Variants in PEBP4 observed in about 807,000 individuals in gnomAD.
The protein encoded by PEBP4 is phosphatidylethanolamine-binding protein 4.
Under a neutral mutation model 23.9 loss-of-function variants are expected in PEBP4, and 22 were observed. That is an observed-to-expected ratio of 0.92 (90% CI 0.66 to 1.31). PEBP4 has a LOEUF of 1.31. Ranked by LOEUF, PEBP4 falls within the 40% of genes most tolerant of loss-of-function variation. The pLI, the probability that PEBP4 is intolerant of heterozygous loss-of-function variation, is 0.00. For missense variants in PEBP4, 324 were observed against 281.7 expected, an observed-to-expected ratio of 1.15 and a Z score of -1.07; for synonymous variants, 112 against 99.3, an observed-to-expected ratio of 1.13 and a Z score of -0.76.
chr8:22,850,792 A>T (rs1188411703), intron 3 of PEBP4, among the ~76,000 whole-genome samples: 1 of 152,216 alleles, frequency 6.6e-6, no homozygotes, highest in Non-Finnish European at 1.5e-5. Context: ...CAGTGTTACT[A>T]ACAGCCACAG....
intron 4 of PEBP4, among the ~76,000 whole-genome samples, chr8:22,740,575 G>A (rs1397559784): frequency 6.6e-6 from 1 of 152,170 alleles, no homozygotes; most frequent in Non-Finnish European, 1.5e-5. Context: ...TTCCCCTGGG[G>A]TCTCTGGGCC....
chr8:22,862,494 C>A (rs887126467), intron 3 of PEBP4, among the ~76,000 whole-genome samples: 1 of 152,116 alleles, frequency 6.6e-6, no homozygotes, highest in African/African-American at 2.4e-5. Flanking sequence ...AAAACAGCAA[C>A]TTGTGTAGAT....
chr8:22,898,247 C>T (rs900801875), intron 3 of PEBP4, among the ~76,000 whole-genome samples: 3 of 151,610 alleles, frequency 2.0e-5, no homozygotes, highest in African/African-American at 7.3e-5. Flanking sequence ...CAAAAATTAG[C>T]CAGGTGTGGT....
At chr8:22,840,644 G>A (rs1306111438) in intron 3 of PEBP4, among the ~76,000 whole-genome samples, 2 of 152,102 alleles carry the variant, frequency 1.3e-5, no homozygotes, top group African/African-American at 4.8e-5. Context: ...TGTTCCTCTT[G>A]GGTCAAAGAC....
At chr8:22,731,910 C>T (rs550478188) in intron 4 of PEBP4, among the ~76,000 whole-genome samples, 2 of 151,616 alleles carry the variant, frequency 1.3e-5, no homozygotes, top group Non-Finnish European at 2.9e-5. Context: ...CTCCTGATCT[C>T]GTGATCCGCC....
intron 1 of PEBP4, among the ~76,000 whole-genome samples, chr8:22,937,437 GAA>G (rs1287343400): frequency 6.6e-6 from 1 of 152,128 alleles, no homozygotes; most frequent in Admixed American, 6.6e-5. Context: ...ATAAATTAAA[GAA>G]GAGATAAATG....
chr8:22,828,864 C>G (rs562657634), intron 3 of PEBP4, among the ~76,000 whole-genome samples: 1 of 152,278 alleles, frequency 6.6e-6, no homozygotes, highest in Non-Finnish European at 1.5e-5. Flanking sequence ...CTTTCCCTCT[C>G]TATCTCAACC....
At chr8:22,806,713 A>C (rs559335881) in intron 4 of PEBP4, among the ~76,000 whole-genome samples, 10 of 152,064 alleles carry the variant, frequency 6.6e-5, no homozygotes, top group Non-Finnish European at 1.3e-4. Flanking sequence ...GTACTAATTC[A>C]TTTGTCACCT....
intron 3 of PEBP4, among the ~76,000 whole-genome samples, chr8:22,915,533 C>T (rs993589971): frequency 6.6e-5 from 10 of 152,182 alleles, no homozygotes; most frequent in African/African-American, 2.2e-4. Context: ...CTGCAAGCTC[C>T]GTGATAGTGT....
At chr8:22,739,729 C>T (rs1242461571) in intron 4 of PEBP4, among the ~76,000 whole-genome samples, 3 of 152,270 alleles carry the variant, frequency 2.0e-5, no homozygotes. Context: ...AGCAGTCCTC[C>T]CGTCTCCCCT....
At chr8:22,727,287 C>A in intron 4 of PEBP4, 67 bp from the exon 5 acceptor site, 8 of 1,496,758 alleles carry the variant, frequency 5.3e-6, no homozygotes, top group Non-Finnish European at 5.5e-6. Context: ...GTGGGCTCTG[C>A]GGGATTGCTT....
intron 3 of PEBP4, among the ~76,000 whole-genome samples, chr8:22,834,202 T>C (rs1309752585): frequency 6.6e-6 from 1 of 152,228 alleles, no homozygotes; most frequent in Non-Finnish European, 1.5e-5. Flanking sequence ...TAGCCCATAG[T>C]GGGCTGGTTG....
intron 3 of PEBP4, among the ~76,000 whole-genome samples, chr8:22,869,683 C>T (rs1232118687): frequency 6.6e-6 from 1 of 152,140 alleles, no homozygotes; most frequent in African/African-American, 2.4e-5. Flanking sequence ...GGATCCGAAA[C>T]ATACAAAGAA....
chr8:22,793,892 G>A (rs78812424), intron 4 of PEBP4, among the ~76,000 whole-genome samples: 2,532 of 152,138 alleles, frequency 0.017, 18 homozygotes, highest in Middle Eastern at 0.031. Context: ...GCTGCAAAAG[G>A]GTTTTTAACA....
At chr8:22,798,090 T>A (rs1806302536) in intron 4 of PEBP4, among the ~76,000 whole-genome samples, 2 of 151,640 alleles carry the variant, frequency 1.3e-5, no homozygotes, top group Non-Finnish European at 2.9e-5. Flanking sequence ...GGGTTTGGAG[T>A]CATCAGGAAG....
At chr8:22,833,152 G>T (rs917727555) in intron 3 of PEBP4, among the ~76,000 whole-genome samples, 1 of 152,170 alleles carries the variant, frequency 6.6e-6, no homozygotes, top group African/African-American at 2.4e-5. Context: ...CCTGTTTCTA[G>T]ATATCTGTGA....
At chr8:22,713,632 G>C in intron 6 of PEBP4, 96 bp from the exon 7 acceptor site, 1 of 1,548,094 alleles carries the variant, frequency 6.5e-7, no homozygotes, top group Non-Finnish European at 8.8e-7. Context: ...CGTGGGAGCC[G>C]AGGCAGCAGG....
chr8:22,719,520 A>G (rs576439239), intron 6 of PEBP4, among the ~76,000 whole-genome samples: 1 of 152,020 alleles, frequency 6.6e-6, no homozygotes, highest in Admixed American at 6.5e-5. Context: ...CTGGCCAAGG[A>G]GGCCTGGGAC....
intron 4 of PEBP4, chr8:22,754,728 G>A (rs1805341048): frequency 1.3e-5 from 2 of 152,262 alleles, no homozygotes. Flanking sequence ...AGGGAGTATG[G>A]ATCACACAGA....
Sources: allele counts gnomAD v4.1 joint callset (sites outside exome capture counted in the v4.1 genomes callset), GRCh38; gene constraint gnomAD v4.1.1; transcripts MANE v1.5; gene names NCBI Gene and HGNC (gene_info 2026-07-23, HGNC 2026-07-21).